Variants in GPHN observed in about 807,000 individuals in gnomAD.
GPHN encodes the protein gephyrin.
In GPHN, 17 loss-of-function variants were observed where a neutral mutation model predicts 95.5. The observed-to-expected ratio is 0.18, with a 90% CI of 0.12 to 0.27. GPHN has a LOEUF of 0.27. GPHN is among the 10% of genes least tolerant of loss of function. GPHN has a pLI of 1.00. For missense variants in GPHN, 660 were observed against 978.1 expected, an observed-to-expected ratio of 0.67 and a Z score of 4.34; for synonymous variants, 320 against 322.5, an observed-to-expected ratio of 0.99 and a Z score of 0.08.
chr14:66,665,001 A>C (rs1057266791), intron 1 of GPHN, among the ~76,000 whole-genome samples: 6 of 150,862 alleles, frequency 4.0e-5, no homozygotes, highest in Non-Finnish European at 7.4e-5. Flanking sequence ...AAAAAAAAAA[A>C]AAAAAAAAAA....
chr14:67,325,196 G>C, the GPHN span, among the ~76,000 whole-genome samples: 10 of 151,896 alleles, frequency 6.6e-5, no homozygotes, highest in South Asian at 2.1e-4. Flanking sequence ...TGAGCCACCA[G>C]GCCCAGCCTC....
the GPHN span, among the ~76,000 whole-genome samples, chr14:67,321,820 T>A: frequency 2.0e-5 from 3 of 152,192 alleles, no homozygotes; most frequent in Non-Finnish European, 4.4e-5. Context: ...TATGCTTGTA[T>A]GTATGTTCTG....
At chr14:67,600,222 C>T in the GPHN span, 14 of 1,552,146 alleles carry the variant, frequency 9.0e-6, no homozygotes, top group African/African-American at 2.7e-5. Flanking sequence ...CACTCGGCCG[C>T]CCGCACCGCG....
chr14:66,930,673 G>A (rs1240020923), intron 8 of GPHN, among the ~76,000 whole-genome samples: 2 of 151,720 alleles, frequency 1.3e-5, no homozygotes, highest in Admixed American at 6.6e-5. Flanking sequence ...CTACAGGCAC[G>A]CAACACCATG....
intron 9 of GPHN, among the ~76,000 whole-genome samples, chr14:66,986,138 A>T (rs1371166593): frequency 6.6e-6 from 1 of 152,024 alleles, no homozygotes; most frequent in Non-Finnish European, 1.5e-5. Flanking sequence ...TAAAAAAAAT[A>T]ATTTTAATGT....
chr14:67,225,060 C>A, the GPHN span: 4 of 1,282,054 alleles, frequency 3.1e-6, no homozygotes, highest in Middle Eastern at 1.9e-4. Flanking sequence ...TTCTTTCTCA[C>A]TTCCTCTCTA....
the GPHN span, chr14:67,279,683 G>A: frequency 5.3e-5 from 38 of 719,538 alleles, no homozygotes; most frequent in Non-Finnish European, 7.4e-5. Flanking sequence ...TCGTGGAAAC[G>A]CCGTATAACT....
chr14:67,556,265 C>T, the GPHN span, among the ~76,000 whole-genome samples: 18 of 152,212 alleles, frequency 1.2e-4, no homozygotes, highest in African/African-American at 2.6e-4. Flanking sequence ...ACTTGGAATG[C>T]GCAGCCTTCT....
chr14:66,601,180 G>A (rs1282629311), intron 1 of GPHN, among the ~76,000 whole-genome samples: 1 of 152,000 alleles, frequency 6.6e-6, no homozygotes, highest in African/African-American at 2.4e-5. Flanking sequence ...ACCCTTAGGA[G>A]CTATTTCTAT....
intron 1 of GPHN, among the ~76,000 whole-genome samples, chr14:66,548,947 T>A (rs2059711856): frequency 6.6e-6 from 1 of 152,194 alleles, no homozygotes; most frequent in Non-Finnish European, 1.5e-5. Context: ...TCAGTTAAAT[T>A]TATGGAAATA....
chr14:66,732,167 C>T (rs1364869456), intron 2 of GPHN, among the ~76,000 whole-genome samples: 1 of 152,182 alleles, frequency 6.6e-6, no homozygotes, highest in African/African-American at 2.4e-5. Context: ...CACACAGAGT[C>T]CCCACTGGGG....
intron 9 of GPHN, among the ~76,000 whole-genome samples, chr14:67,018,654 CTCTTTGG>C (rs2073439379): frequency 6.6e-6 from 1 of 152,176 alleles, no homozygotes; most frequent in Non-Finnish European, 1.5e-5. Context: ...TTTTCCACCT[CTCTTTGG>C]GTTAGAAACA....
intron 5 of GPHN, among the ~76,000 whole-genome samples, chr14:66,907,305 G>C (rs184241166): frequency 6.6e-6 from 1 of 152,286 alleles, no homozygotes; most frequent in Admixed American, 6.5e-5. Flanking sequence ...ATATTGCTGA[G>C]TAAAAGAAGC....
At chr14:67,146,293 A>G (rs1414515281) in intron 18 of GPHN, among the ~76,000 whole-genome samples, 1 of 152,104 alleles carries the variant, frequency 6.6e-6, no homozygotes, top group African/African-American at 2.4e-5. Flanking sequence ...TTACTTCCCT[A>G]AAGATCTCTC....
At chr14:67,459,502 AG>A in the GPHN span, among the ~76,000 whole-genome samples, 2 of 152,220 alleles carry the variant, frequency 1.3e-5, no homozygotes, top group Non-Finnish European at 2.9e-5. Context: ...GCAAGAGGAT[AG>A]ATTAGAGACC....
chr14:66,599,380 A>C (rs1288491035), intron 1 of GPHN, among the ~76,000 whole-genome samples: 1 of 111,384 alleles, frequency 9.0e-6, no homozygotes, highest in Non-Finnish European at 1.8e-5. Flanking sequence ...CTGATTTTAC[A>C]TTTTTTTTTG....
chr14:67,204,808 T>C, the GPHN span: 25 of 1,613,948 alleles, frequency 1.5e-5, no homozygotes, highest in Admixed American at 1.2e-4. Context: ...TGTCACCACG[T>C]TCACAGCCAT....
chr14:66,839,821 C>G (rs966869499), intron 4 of GPHN, among the ~76,000 whole-genome samples: 3 of 152,052 alleles, frequency 2.0e-5, no homozygotes, highest in African/African-American at 7.2e-5. Context: ...TTTATGGGCC[C>G]TATTTACTTC....
chr14:66,920,526 G>A (rs2066162368), intron 6 of GPHN, among the ~76,000 whole-genome samples: 1 of 149,310 alleles, frequency 6.7e-6, no homozygotes, highest in Admixed American at 6.7e-5. Context: ...TTAAAATGCA[G>A]TGCATGCTTT....
Sources: gnomAD v4.1 joint callset for allele counts (sites outside exome capture counted in the v4.1 genomes callset) on GRCh38, gnomAD v4.1.1 for gene constraint, MANE v1.5 for transcripts, NCBI Gene and HGNC (gene_info 2026-07-23, HGNC 2026-07-21) for gene names.